Variants in NRG3 observed in about 807,000 individuals in gnomAD.
NRG3 encodes the protein neuregulin 3.
NRG3 carries 31 observed loss-of-function variants against 66.9 expected under a neutral mutation model. The observed-to-expected ratio is 0.46, with a 90% CI of 0.35 to 0.63. The LOEUF (loss-of-function observed/expected upper bound fraction) is 0.63. NRG3 is among the 20% of genes least tolerant of loss of function. The pLI is 0.00. For missense variants in NRG3, 910 were observed against 878.9 expected, an observed-to-expected ratio of 1.04 and a Z score of -0.45; for synonymous variants, 393 against 359.4, an observed-to-expected ratio of 1.09 and a Z score of -1.06.
chr10:82,512,526 C>A (rs1176337806), intron 2 of NRG3, among the ~76,000 whole-genome samples: 1 of 152,026 alleles, frequency 6.6e-6, no homozygotes, highest in Non-Finnish European at 1.5e-5. Context: ...CCTTGGCCTC[C>A]CAAAGTGCTG....
chr10:82,730,885 T>C (rs1256914408), intron 2 of NRG3, among the ~76,000 whole-genome samples: 1 of 152,122 alleles, frequency 6.6e-6, no homozygotes, highest in Non-Finnish European at 1.5e-5. Flanking sequence ...GCTAGAAACG[T>C]TTTTGTCCAC....
At chr10:81,881,119 C>T (rs1842139951) in intron 1 of NRG3, among the ~76,000 whole-genome samples, 1 of 151,894 alleles carries the variant, frequency 6.6e-6, no homozygotes, top group Non-Finnish European at 1.5e-5. Flanking sequence ...CTCCCACCTG[C>T]CAGTATTTTA....
intron 2 of NRG3, among the ~76,000 whole-genome samples, chr10:82,501,549 T>A (rs1844191756): frequency 6.6e-6 from 1 of 152,038 alleles, no homozygotes. Flanking sequence ...GTCCCTTCGT[T>A]CCATTCCCAA....
chr10:82,168,911 C>T (rs2072328277), intron 1 of NRG3, among the ~76,000 whole-genome samples: 2 of 152,102 alleles, frequency 1.3e-5, no homozygotes, highest in African/African-American at 2.4e-5. Flanking sequence ...TTTCTCTGGC[C>T]TGCTGAGTCA....
In NRG3 at chr10:82,107,207, A is replaced by G. The variant is rs1472888623; in HGVS notation, c.823+231044A>G. 3.9e-5 allele frequency among the ~76,000 whole-genome samples: 6 copies of G among 152,354 alleles called. No individual in the cohort carries two copies. In the East Asian group the frequency reaches 9.6e-4, roughly 24 times the overall value. On this transcript the variant is annotated intron_variant, in intron 1 of 8. Transcript: ENST00000372141. ...AAAATCCCTAATCCAAAATACTCCA[A>G]TGAACATTTCCTTTTAATCTCATGT...
intron 4 of NRG3, among the ~76,000 whole-genome samples, chr10:82,899,641 G>A (rs1305267473): frequency 2.0e-5 from 3 of 152,110 alleles, no homozygotes; most frequent in South Asian, 2.1e-4. Context: ...AAATATAATC[G>A]TTTAGGAACT....
intron 2 of NRG3, among the ~76,000 whole-genome samples, chr10:82,444,617 A>T (rs1008839019): frequency 6.6e-6 from 1 of 152,224 alleles, no homozygotes; most frequent in African/African-American, 2.4e-5. Context: ...GACAGGACCA[A>T]TGAAAAGGCA....
intron 1 of NRG3, among the ~76,000 whole-genome samples, chr10:81,894,128 G>T (rs920713183): frequency 6.6e-6 from 1 of 152,122 alleles, no homozygotes; most frequent in African/African-American, 2.4e-5. Context: ...ATCACTTGAG[G>T]TTAGGAGTTT....
intron 1 of NRG3, among the ~76,000 whole-genome samples, chr10:82,006,990 T>A (rs57031230): frequency 6.6e-6 from 1 of 152,146 alleles, no homozygotes; most frequent in African/African-American, 2.4e-5. Context: ...TTAGAATTGC[T>A]TTGATTTTAT....
At chr10:82,776,973 T>C (rs534407417) in intron 3 of NRG3, among the ~76,000 whole-genome samples, 3 of 152,174 alleles carry the variant, frequency 2.0e-5, no homozygotes, top group Non-Finnish European at 4.4e-5. Context: ...GGTGGTGTCA[T>C]GTTCCCTTGC....
At chr10:82,221,011 G>A (rs960790919) in intron 1 of NRG3, among the ~76,000 whole-genome samples, 1 of 152,032 alleles carries the variant, frequency 6.6e-6, no homozygotes, top group Non-Finnish European at 1.5e-5. Context: ...CAGTTGTTCA[G>A]GATCATTAGG....
intron 1 of NRG3, among the ~76,000 whole-genome samples, chr10:82,264,233 C>T (rs1376600387): frequency 6.6e-6 from 1 of 152,172 alleles, no homozygotes; most frequent in Admixed American, 6.5e-5. Context: ...TTAATGGACT[C>T]ACAGTTCCAC....
chr10:82,745,444 T>C (rs1213927516), intron 3 of NRG3, among the ~76,000 whole-genome samples: 1 of 152,190 alleles, frequency 6.6e-6, no homozygotes, highest in Non-Finnish European at 1.5e-5. Context: ...GACTGGCATC[T>C]GCTGGGAATA....
intron 1 of NRG3, among the ~76,000 whole-genome samples, chr10:82,149,201 C>A (rs2070504688): frequency 6.6e-6 from 1 of 151,950 alleles, no homozygotes; most frequent in Non-Finnish European, 1.5e-5. Flanking sequence ...CAGCTTGAAC[C>A]TGAAAGTGGC....
At chr10:82,213,980 G>T (rs1406649300) in intron 1 of NRG3, among the ~76,000 whole-genome samples, 1 of 152,094 alleles carries the variant, frequency 6.6e-6, no homozygotes, top group Non-Finnish European at 1.5e-5. Flanking sequence ...TTTCTCTTTG[G>T]CTAGATCTAC....
intron 2 of NRG3, among the ~76,000 whole-genome samples, chr10:82,600,492 A>G (rs555882541): frequency 6.6e-6 from 1 of 152,288 alleles, no homozygotes; most frequent in East Asian, 1.9e-4. Context: ...ATTTTTTGAG[A>G]CGGAGTCTCG....
At chr10:82,893,078 A>G (rs1843314672) in intron 4 of NRG3, among the ~76,000 whole-genome samples, 1 of 152,208 alleles carries the variant, frequency 6.6e-6, no homozygotes, top group African/African-American at 2.4e-5. Flanking sequence ...CAAAAATTTA[A>G]AAGATTATGT....
intron 3 of NRG3, among the ~76,000 whole-genome samples, chr10:82,810,510 C>T (rs973857203): frequency 1.3e-5 from 2 of 151,998 alleles, no homozygotes; most frequent in African/African-American, 4.8e-5. Context: ...CGCCTGTAAT[C>T]CCAGCACTTT....
At position 82,833,359 on chromosome 10, in the gene NRG3, T is replaced by A. The variant is rs372000917; in HGVS notation, c.1028-32052T>A. On this transcript the variant is annotated intron_variant, in intron 3 of 8. Coordinates refer to ENST00000372141, the MANE Select transcript of NRG3 (RefSeq NM_001010848.4). ...TTCTGCTCTCTAGGAAGATAGGGAG[T>A]CTCAATCCTGACCCAGACTCAGTTC... is the stretch of plus-strand genomic sequence containing the variant. Among the ~76,000 whole-genome samples the A allele has an allele frequency of 7.9e-5, 12 of 152,100 alleles. No homozygotes were observed. The South Asian group carries it at 1.7e-3, about 21-fold the overall frequency.
Sources: gnomAD v4.1 joint callset for allele counts (sites outside exome capture counted in the v4.1 genomes callset) on GRCh38, gnomAD v4.1.1 for gene constraint, MANE v1.5 for transcripts, NCBI Gene and HGNC (gene_info 2026-07-23, HGNC 2026-07-21) for gene names.